The following FRMPD4 variants were observed in gnomAD, a reference collection of about 807,000 sequenced individuals.
The protein encoded by FRMPD4 is FERM and PDZ domain-containing protein 4.
Under a neutral mutation model 94.1 loss-of-function variants are expected in FRMPD4, and 22 were observed. The observed-to-expected ratio is 0.23, with a 90% CI of 0.17 to 0.33. The LOEUF (loss-of-function observed/expected upper bound fraction) is 0.33. Among genes scored for constraint, FRMPD4 ranks in the 10% least tolerant of loss-of-function variants. The pLI, the probability that FRMPD4 is intolerant of heterozygous loss-of-function variation, is 1.00. For synonymous variants in FRMPD4, 631 were observed against 548.6 expected, an observed-to-expected ratio of 1.15 and a Z score of -2.10; for missense variants, 1,111 against 1,339.9, an observed-to-expected ratio of 0.83 and a Z score of 2.67.
At chrX:12,639,930 C>T (rs1372058768) in intron 4 of FRMPD4, among the ~76,000 whole-genome samples, 1 of 111,269 alleles carries the variant, frequency 9.0e-6, no homozygotes, top group Admixed American at 9.6e-5. Flanking sequence ...AACCATAACG[C>T]AATATTTTCA....
At chrX:12,397,503 A>C (rs1019766817) in intron 1 of FRMPD4, among the ~76,000 whole-genome samples, 1 of 112,166 alleles carries the variant, frequency 8.9e-6, no homozygotes, top group Non-Finnish European at 1.9e-5. Flanking sequence ...ATTTTGGAAA[A>C]TGGATAGCGA....
At chrX:12,123,047 C>T (rs759932519) in intron 3 of FRMPD4, among the ~76,000 whole-genome samples, 4 of 110,350 alleles carry the variant, frequency 3.6e-5, no homozygotes, top group Non-Finnish European at 5.7e-5. Flanking sequence ...TACAGTTTAG[C>T]CCAGGTTTCC....
At position 12,187,897 on chromosome X, in the gene FRMPD4, C is replaced by A. The variant is rs1255711727; in HGVS notation, c.41+48885C>A. Among the ~76,000 whole-genome samples the A allele has an allele frequency of 5.4e-5, 6 of 111,732 alleles. No individual in the cohort carries two copies. The Admixed American group carries it at 5.7e-4, about 11-fold the overall frequency. On this transcript the variant is annotated intron_variant, in intron 1 of 16. Coordinates refer to ENST00000675598, the MANE Select transcript of FRMPD4 (RefSeq NM_001368397.1). ...TTCTAGATCATAAGGACCCAAGCAC[C>A]TTCAGACTGCAAACAGGCAAATGCT...
At chrX:12,493,904 C>T (rs2057817723) in intron 1 of FRMPD4, among the ~76,000 whole-genome samples, 1 of 111,900 alleles carries the variant, frequency 8.9e-6, no homozygotes, top group African/African-American at 3.3e-5. Context: ...CTTTATGTAT[C>T]TCATTTATCT....
chrX:12,490,407 AAGTT>A (rs765135996), intron 1 of FRMPD4, among the ~76,000 whole-genome samples: 2 of 111,404 alleles, frequency 1.8e-5, no homozygotes, highest in African/African-American at 6.5e-5. Flanking sequence ...AAAAAAGTCT[AAGTT>A]AGGTGATCAT....
At chrX:12,386,250 G>A (rs2056395684) in intron 1 of FRMPD4, among the ~76,000 whole-genome samples, 1 of 112,313 alleles carries the variant, frequency 8.9e-6, no homozygotes, top group African/African-American at 3.2e-5. Flanking sequence ...CTCAAATGAT[G>A]AGGTACAAAG....
intron 3 of FRMPD4, among the ~76,000 whole-genome samples, chrX:11,934,281 T>A (rs137967050): frequency 5.0e-4 from 56 of 112,081 alleles, no homozygotes; most frequent in African/African-American, 1.7e-3. Flanking sequence ...GTGCTTGAGT[T>A]CTCACATAAG....
intron 1 of FRMPD4, among the ~76,000 whole-genome samples, chrX:12,252,485 A>G (rs1207899125): frequency 8.9e-6 from 1 of 112,340 alleles, no homozygotes; most frequent in East Asian, 2.8e-4. Flanking sequence ...GTTCATGAAA[A>G]GTGCATTTTT....
intron 1 of FRMPD4, among the ~76,000 whole-genome samples, chrX:12,359,561 A>G (rs1228137569): frequency 9.5e-6 from 1 of 105,747 alleles, no homozygotes; most frequent in Non-Finnish European, 1.9e-5. Flanking sequence ...TCTGCCTCCC[A>G]GGTTTGAGCG....
intron 1 of FRMPD4, among the ~76,000 whole-genome samples, chrX:12,475,550 A>T (rs1293275838): frequency 8.9e-6 from 1 of 112,075 alleles, no homozygotes; most frequent in Non-Finnish European, 1.9e-5. Flanking sequence ...ACATGATTGT[A>T]TATTTAGAAA....
In FRMPD4 at chrX:12,704,475, C is replaced by T. The variant is rs367552176; in HGVS notation, c.1187C>T (p.Pro396Leu). 3 of 1,171,270 alleles carry T rather than the reference C, an allele frequency of 2.6e-6. No individual in the cohort carries two copies. The highest frequency in any genetic ancestry group is 3.0e-5 in the East Asian group (1 of 33,152). Residue 396 changes from proline (P) to leucine (L), a missense_variant, in exon 11 of 17, where the codon CCG (proline) becomes CTG (leucine). Transcript: ENST00000675598. ...LVKANQNLVP[P>L]GKKLSALQAK... Reference sequence around the variant, plus strand: ...AAAGCAAATCAAAACTTGGTACCACCGGGTAAAAAGGTATCACATTTCCAT... The same window carrying T: ...AAAGCAAATCAAAACTTGGTACCACTGGGTAAAAAGGTATCACATTTCCAT...
chrX:11,864,164 G>T (rs1292532277), intron 1 of FRMPD4, among the ~76,000 whole-genome samples: 1 of 110,432 alleles, frequency 9.1e-6, no homozygotes, highest in African/African-American at 3.3e-5. Context: ...AAATGCTGTG[G>T]ACTTGGCAAG....
intron 1 of FRMPD4, among the ~76,000 whole-genome samples, chrX:12,480,361 T>G (rs2057666854): frequency 1.0e-5 from 1 of 97,379 alleles, no homozygotes; most frequent in African/African-American, 3.9e-5. Context: ...AAGCAAAATT[T>G]CCAATAGGTC....
rs1442585003 is a variant in FRMPD4, at chrX:12,483,122, G to C, written c.42-15558G>C. ...GTGGCCTCTCTTGAAGAACAGGGTGGCCATTTATAAAGATGAGGAAGTTAG... is the reference window on the plus strand; with the variant it reads ...GTGGCCTCTCTTGAAGAACAGGGTGCCCATTTATAAAGATGAGGAAGTTAG... On this transcript the variant is annotated intron_variant, in intron 1 of 16. Transcript: ENST00000675598. Among the ~76,000 whole-genome samples the C allele has an allele frequency of 2.7e-5, 3 of 112,348 alleles. No homozygotes were observed. The East Asian group carries it at 8.4e-4, about 31-fold the overall frequency.
chrX:12,668,819 G>A (rs1293241076), intron 4 of FRMPD4, among the ~76,000 whole-genome samples: 1 of 110,239 alleles, frequency 9.1e-6, no homozygotes, highest in Non-Finnish European at 1.9e-5. Flanking sequence ...TGGCCAGGCT[G>A]GTCTCAAACT....
intron 1 of FRMPD4, among the ~76,000 whole-genome samples, chrX:12,297,525 G>A (rs1188606858): frequency 8.9e-6 from 1 of 111,739 alleles, no homozygotes; most frequent in African/African-American, 3.3e-5. Context: ...GAATTGTGGG[G>A]AGTGATACGG....
intron 3 of FRMPD4, among the ~76,000 whole-genome samples, chrX:12,106,070 C>A (rs1390842604): frequency 8.9e-6 from 1 of 111,905 alleles, no homozygotes; most frequent in Admixed American, 9.4e-5. Context: ...CATGTCCAGG[C>A]TCTTCAAAGC....
At chrX:12,528,366 G>T (rs1165026760) in intron 2 of FRMPD4, among the ~76,000 whole-genome samples, 1 of 99,289 alleles carries the variant, frequency 1.0e-5, no homozygotes, top group African/African-American at 3.8e-5. Context: ...TGTCACCCAG[G>T]CTGGAGTGCA....
At chrX:11,953,169 C>T (rs2054234895) in intron 3 of FRMPD4, among the ~76,000 whole-genome samples, 1 of 112,061 alleles carries the variant, frequency 8.9e-6, no homozygotes. Flanking sequence ...TTGACTTACC[C>T]TCTCCTACCT....
Sources: gnomAD v4.1 joint callset for allele counts (sites outside exome capture counted in the v4.1 genomes callset) on GRCh38, gnomAD v4.1.1 for gene constraint, MANE v1.5 for transcripts, NCBI Gene and HGNC (gene_info 2026-07-23, HGNC 2026-07-21) for gene names.